Variants in TPCN2 observed in about 807,000 individuals in gnomAD.
The protein encoded by TPCN2 is two pore channel protein 2.
In TPCN2, 92 loss-of-function variants were observed where a neutral mutation model predicts 111.4. That is an observed-to-expected ratio of 0.83 (90% CI 0.70 to 0.98). The LOEUF (loss-of-function observed/expected upper bound fraction) is 0.98. TPCN2 is among the 50% of genes least tolerant of loss of function. The probability of loss-of-function intolerance (pLI) is 0.00; values close to 1 mark genes in which losing one functional copy is unlikely to be tolerated. For missense variants in TPCN2, 995 were observed against 980.1 expected (o/e 1.02, Z -0.20); for synonymous variants, 405 against 414.5 (o/e 0.98, Z 0.28).
intron 3 of TPCN2, 27 bp from the exon 4 acceptor site, chr11:69,055,148 G>A (rs1479411567): frequency 3.7e-6 from 6 of 1,609,948 alleles, no homozygotes; most frequent in Non-Finnish European, 5.1e-6. Context: ...TGGCTCCTGT[G>A]TTTTCATGTT....
Position 69,090,562 on chromosome 11 carries a change from A to G in TPCN2, c.*2609A>G, listed in dbSNP as rs1856399463. The G allele has an allele frequency of 6.6e-6, 1 of 152,228 alleles. No homozygotes were observed. The highest frequency in any genetic ancestry group is 2.4e-5 in the African/African-American group (1 of 41,460). 9.4% of individuals were successfully genotyped at this position (152,228 alleles called of 1,614,324 possible). ...TACATGCTGCTGAGGGTCCTGCCTC[A>G]TTAAGATGCAATAAATATGTAAGTA... On this transcript the variant is annotated 3_prime_UTR_variant, in exon 25 of 25. Transcript: ENST00000294309.
At chr11:69,081,281 A>G (rs571210847) in intron 17 of TPCN2, 119 bp from the exon 18 acceptor site, 118 of 629,032 alleles carry the variant, frequency 1.9e-4, no homozygotes, top group African/African-American at 1.9e-3. Context: ...TGTGGGGTGC[A>G]CTCCCGTCAT....
chr11:69,050,948 C>T (rs758028040), intron 1 of TPCN2, among the ~76,000 whole-genome samples: 3 of 152,256 alleles, frequency 2.0e-5, no homozygotes, highest in Non-Finnish European at 4.4e-5. Context: ...GCCAGGGCTT[C>T]TGAGAACGTG....
chr11:69,077,034 C>T (rs1160324893), intron 13 of TPCN2, among the ~76,000 whole-genome samples: 1 of 83,358 alleles, frequency 1.2e-5, no homozygotes. Context: ...GCCCTCCTGC[C>T]ATGTCCCTCC....
intron 5 of TPCN2, among the ~76,000 whole-genome samples, chr11:69,058,670 C>T (rs1339934935): frequency 6.6e-6 from 1 of 152,224 alleles, no homozygotes; most frequent in African/African-American, 2.4e-5. Flanking sequence ...TCGCAGCCCA[C>T]AGCACGGCAG....
intron 16 of TPCN2, 38 bp downstream of exon 16, chr11:69,079,058 G>A (rs1295099172): frequency 3.8e-6 from 6 of 1,573,688 alleles, no homozygotes; most frequent in South Asian, 1.2e-5. Context: ...TCTACTGGGC[G>A]GGTGGGTGAG....
chr11:69,087,058 A>C, intron 23 of TPCN2, 54 bp from the exon 24 acceptor site: 1 of 1,518,552 alleles, frequency 6.6e-7, no homozygotes, highest in Non-Finnish European at 9.1e-7. Flanking sequence ...GGGATGGGGC[A>C]AGGCTGCTTT....
intron 7 of TPCN2, among the ~76,000 whole-genome samples, chr11:69,064,935 GTGTGTT>G (rs1288582252): frequency 1.4e-5 from 2 of 147,420 alleles, no homozygotes; most frequent in African/African-American, 2.5e-5. Flanking sequence ...ATGTCTGTGT[GTGTGTT>G]TGTATGTGTG....
chr11:69,053,951 A>G, intron 1 of TPCN2, 82 bp from the exon 2 acceptor site: 1 of 1,240,638 alleles, frequency 8.1e-7, no homozygotes, highest in Non-Finnish European at 1.2e-6. Context: ...CACAGCCGGC[A>G]TCTTTCCTTG....
intron 5 of TPCN2, among the ~76,000 whole-genome samples, chr11:69,062,032 G>A (rs773545751): frequency 6.6e-6 from 1 of 152,042 alleles, no homozygotes; most frequent in African/African-American, 2.4e-5. Context: ...TTTGGCTCAC[G>A]GCTCTGTAGG....
chr11:69,048,982 G>C lies in TPCN2; in HGVS notation c.-16G>C, dbSNP rs946717910. The C allele has an allele frequency of 2.4e-6, 3 of 1,235,006 alleles. No homozygotes were observed. Among genetic ancestry groups the C allele is most frequent in the Non-Finnish European group, 3.0e-6 (3 of 986,008 alleles). 76.5% of individuals were successfully genotyped at this position (1,235,006 alleles called of 1,614,324 possible). A position where few individuals can be genotyped will look rare whatever the true frequency, so the allele number is the denominator to read the frequency against. On this transcript the variant is annotated 5_prime_UTR_variant, in exon 1 of 25. Transcript: ENST00000294309. ...CTTGAGCTTCTGAGGGTCGGGTCCA[G>C]CGCGTGGGCTGCTGGATGGCGGAAC...
At chr11:69,066,123 C>T (rs991838055) in intron 7 of TPCN2, among the ~76,000 whole-genome samples, 2 of 152,082 alleles carry the variant, frequency 1.3e-5, no homozygotes, top group African/African-American at 4.8e-5. Context: ...CGAAGCCTGG[C>T]CCTAAACCTT....
In TPCN2 at chr11:69,079,340, A is replaced by T. The variant is rs916925143; in HGVS notation, c.1539+320A>T. The T allele has an allele frequency of 2.1e-5, 8 of 385,542 alleles. No homozygotes were observed. In the Admixed American group the frequency reaches 3.4e-4, roughly 17 times the overall value. The allele number at this position is 385,542 out of a possible 1,614,324, so 23.9% of individuals were successfully genotyped here. A position where few individuals can be genotyped will look rare whatever the true frequency, so the allele number is the denominator to read the frequency against. ...CCCGGGGAACAGCCTCTTAAACGTC[A>T]CTGATAGACGGTGTGACCTCAGCAT... On this transcript the variant is annotated intron_variant, in intron 16 of 24. Coordinates refer to ENST00000294309, the MANE Select transcript of TPCN2 (RefSeq NM_139075.4).
At chr11:69,059,045 C>T (rs1039722631) in intron 5 of TPCN2, among the ~76,000 whole-genome samples, 4 of 152,248 alleles carry the variant, frequency 2.6e-5, no homozygotes, top group African/African-American at 9.6e-5. Context: ...CTGCCTGGAT[C>T]TCTTCTGCCA....
chr11:69,085,103 G>A (rs1402679948), intron 19 of TPCN2, 107 bp from the exon 20 acceptor site: 2 of 1,093,658 alleles, frequency 1.8e-6, no homozygotes, highest in Non-Finnish European at 2.8e-6. Flanking sequence ...TGGGCAGAGG[G>A]TCCTGGCCTC....
At chr11:69,072,282 C>G (rs1013125211) in intron 11 of TPCN2, among the ~76,000 whole-genome samples, 18 of 152,234 alleles carry the variant, frequency 1.2e-4, no homozygotes, top group Non-Finnish European at 1.5e-4. Flanking sequence ...TCTTGTCCCC[C>G]TTTGTGCTCT....
At chr11:69,081,534 T>C in intron 18 of TPCN2, 35 bp downstream of exon 18, 1 of 1,460,284 alleles carries the variant, frequency 6.8e-7, no homozygotes. Context: ...CGCCCCACCC[T>C]CCTGGGTCAT....
intron 8 of TPCN2, among the ~76,000 whole-genome samples, chr11:69,068,092 G>A (rs1160818332): frequency 6.6e-6 from 1 of 152,200 alleles, no homozygotes; most frequent in Non-Finnish European, 1.5e-5. Context: ...TGGCCACGAC[G>A]CTCACCCTGT....
At position 69,085,655 on chromosome 11, in the gene TPCN2, G is replaced by T; in HGVS notation, c.1839-16G>T. The stretch of plus-strand genomic sequence containing the variant: ...TGGAGCCCCCGCCCCTGACCCAGGT[G>T]TGTTGTGTTCCCCAGCCTGGCCCCT... On this transcript the variant is annotated splice_polypyrimidine_tract_variant and intron_variant, in intron 20 of 24. Transcript: ENST00000294309. 6.4e-7 allele frequency: 1 copy of T among 1,556,640 alleles called. No homozygotes were observed. The highest frequency in any genetic ancestry group is 8.9e-7 in the Non-Finnish European group (1 of 1,128,320).
Sources: allele counts gnomAD v4.1 joint callset (sites outside exome capture counted in the v4.1 genomes callset), GRCh38; gene constraint gnomAD v4.1.1; transcripts MANE v1.5; gene names NCBI Gene and HGNC (gene_info 2026-07-23, HGNC 2026-07-21).